The following CSMD1 variants were observed in gnomAD, a reference collection of about 807,000 sequenced individuals.
CSMD1 encodes the protein CUB and sushi domain-containing protein 1.
Under a neutral mutation model 417.5 loss-of-function variants are expected in CSMD1, and 213 were observed. That is an observed-to-expected ratio of 0.51 (90% CI 0.46 to 0.57). The LOEUF (loss-of-function observed/expected upper bound fraction) is 0.57, where lower values mean the gene tolerates loss of function less well. Among genes scored for constraint, CSMD1 ranks in the 20% least tolerant of loss-of-function variants. The pLI is 0.00. For synonymous variants in CSMD1, 2,862 were observed against 1,736.8 expected, an observed-to-expected ratio of 1.65 and a Z score of -16.11; for missense variants, 6,923 against 4,529.7, an observed-to-expected ratio of 1.53 and a Z score of -15.17.
At chr8:3,998,195 C>G (rs1016238460) in intron 4 of CSMD1, 85 bp from the exon 5 acceptor site, 1 of 1,229,838 alleles carries the variant, frequency 8.1e-7, no homozygotes, top group Non-Finnish European at 1.1e-6. Flanking sequence ...CACTCTTGAT[C>G]AGCGACAAAT....
At chr8:4,453,933 T>C (rs931302779) in intron 2 of CSMD1, among the ~76,000 whole-genome samples, 26 of 144,616 alleles carry the variant, frequency 1.8e-4, no homozygotes, top group African/African-American at 6.0e-4. Flanking sequence ...AGCATTCTCC[T>C]GCCTCAGCCT....
chr8:3,593,806 C>T (rs1800966908), intron 8 of CSMD1, among the ~76,000 whole-genome samples: 1 of 152,110 alleles, frequency 6.6e-6, no homozygotes, highest in Non-Finnish European at 1.5e-5. Context: ...GTCATTCTCC[C>T]ATCTTTGCCA....
At chr8:4,031,438 A>G (rs62502688) in intron 4 of CSMD1, among the ~76,000 whole-genome samples, 51,076 of 151,966 alleles carry the variant, frequency 0.34, 9,089 homozygotes, top group East Asian at 0.64. Context: ...CAGATCTCAT[A>G]AGACTTATGT....
At chr8:4,353,434 C>G (rs569688474) in intron 3 of CSMD1, among the ~76,000 whole-genome samples, 1 of 152,178 alleles carries the variant, frequency 6.6e-6, no homozygotes, top group East Asian at 1.9e-4. Flanking sequence ...ATTACCTATT[C>G]TCGAGTATGT....
At chr8:3,900,239 C>T (rs900967636) in intron 5 of CSMD1, among the ~76,000 whole-genome samples, 1 of 145,968 alleles carries the variant, frequency 6.9e-6, no homozygotes, top group Non-Finnish European at 1.5e-5. Flanking sequence ...AACAGTGGAG[C>T]TGGGTAACAG....
chr8:4,421,820 A>G (rs1438196), intron 2 of CSMD1, among the ~76,000 whole-genome samples: 48,803 of 151,700 alleles, frequency 0.32, 8,605 homozygotes, highest in South Asian at 0.44. Flanking sequence ...GCAAAAAACA[A>G]GAAAAGTACA....
At position 2,951,290 on chromosome 8, in the gene CSMD1, G is replaced by GA. The variant is rs766370895; in HGVS notation, c.10040-16dup. 2.2e-5 allele frequency: 35 copies of GA among 1,592,026 alleles called. No homozygotes were observed. In the East Asian group the frequency reaches 7.9e-4, roughly 36 times the overall value. On this transcript the variant is annotated splice_polypyrimidine_tract_variant and intron_variant, in intron 65 of 69. Transcript: ENST00000635120. ...ATCTGAAGGAACTGTGGGAAGGGGG[G>GA]AAACAGACCAATGTCAGCACACACA...
intron 11 of CSMD1, among the ~76,000 whole-genome samples, chr8:3,483,525 C>G (rs533078490): frequency 1.3e-5 from 2 of 152,044 alleles, no homozygotes; most frequent in South Asian, 2.1e-4. Context: ...CAGATGGTTT[C>G]AATAGAAAAT....
At chr8:3,792,732 C>A (rs1296314056) in intron 5 of CSMD1, among the ~76,000 whole-genome samples, 1 of 152,132 alleles carries the variant, frequency 6.6e-6, no homozygotes, top group Non-Finnish European at 1.5e-5. Context: ...GAGTTTCAAC[C>A]AGAATGCTCA....
At chr8:3,071,185 C>G (rs1186278570) in intron 49 of CSMD1, among the ~76,000 whole-genome samples, 1 of 152,180 alleles carries the variant, frequency 6.6e-6, no homozygotes, top group Admixed American at 6.5e-5. Flanking sequence ...CCACCTCCAG[C>G]ATTGGGCATT....
intron 10 of CSMD1, among the ~76,000 whole-genome samples, chr8:3,527,907 T>G: frequency 6.6e-6 from 1 of 152,208 alleles, no homozygotes; most frequent in East Asian, 1.9e-4. Context: ...ACAGGCTGGC[T>G]AAGTCTTGGT....
intron 2 of CSMD1, among the ~76,000 whole-genome samples, chr8:4,481,045 A>T (rs1801072190): frequency 6.6e-6 from 1 of 152,234 alleles, no homozygotes; most frequent in Non-Finnish European, 1.5e-5. Context: ...CAACCCAAGT[A>T]GTGACAAGAT....
In CSMD1 at chr8:4,170,343, G is replaced by A. The variant is rs140671626; in HGVS notation, c.416-138244C>T. On this transcript the variant is annotated intron_variant, in intron 3 of 69. Transcript: ENST00000635120. ...AGTAACAAATTCTGTCTCATTTCAT[G>A]CAGTTCCGTATATTCGGATAATTTA... Among the ~76,000 whole-genome samples, 340 of 151,960 alleles carry A rather than the reference G, an allele frequency of 2.2e-3. 5 individuals are homozygous for A. The highest frequency in any genetic ancestry group is 7.8e-3 in the African/African-American group (321 of 41,234).
intron 2 of CSMD1, among the ~76,000 whole-genome samples, chr8:4,560,433 A>C (rs141862393): frequency 1.3e-5 from 2 of 152,342 alleles, no homozygotes; most frequent in Non-Finnish European, 2.9e-5. Flanking sequence ...TGATGGGCTT[A>C]GCAATTATGC....
At chr8:4,882,622 A>G (rs892653236) in intron 1 of CSMD1, among the ~76,000 whole-genome samples, 10 of 152,022 alleles carry the variant, frequency 6.6e-5, no homozygotes, top group African/African-American at 2.4e-4. Flanking sequence ...GTATTCAACT[A>G]TCCACCGGGT....
intron 5 of CSMD1, among the ~76,000 whole-genome samples, chr8:3,808,848 C>T (rs149428047): frequency 6.6e-6 from 1 of 152,152 alleles, no homozygotes; most frequent in Admixed American, 6.5e-5. Flanking sequence ...CAAAGGAAAG[C>T]GCAGCCCTTA....
chr8:3,454,733 C>T (rs7818982), intron 12 of CSMD1, among the ~76,000 whole-genome samples: 1 of 152,064 alleles, frequency 6.6e-6, no homozygotes, highest in Non-Finnish European at 1.5e-5. Flanking sequence ...TTTCTCTCTG[C>T]CTGCCCTTTA....
chr8:4,731,821 GT>G (rs1473911919), intron 1 of CSMD1, among the ~76,000 whole-genome samples: 10 of 152,200 alleles, frequency 6.6e-5, no homozygotes, highest in African/African-American at 2.4e-4. Flanking sequence ...AACTCACAGT[GT>G]TTTTCTTATT....
intron 5 of CSMD1, among the ~76,000 whole-genome samples, chr8:3,988,238 C>T (rs990238761): frequency 4.6e-5 from 7 of 152,096 alleles, no homozygotes; most frequent in Admixed American, 2.0e-4. Context: ...AATATTGAAC[C>T]TCGGCTTTCT....
Sources: gnomAD v4.1 joint callset for allele counts (sites outside exome capture counted in the v4.1 genomes callset) on GRCh38, gnomAD v4.1.1 for gene constraint, MANE v1.5 for transcripts, NCBI Gene and HGNC (gene_info 2026-07-23, HGNC 2026-07-21) for gene names.